Variants in KIF2A observed in about 807,000 individuals in gnomAD.
KIF2A encodes kinesin-like protein KIF2A.
Under a neutral mutation model 100.2 loss-of-function variants are expected in KIF2A, and 22 were observed. The ratio of observed to expected loss-of-function variants is 0.22; its 90% CI spans 0.16 to 0.31. The LOEUF is 0.31. KIF2A is among the 10% of genes least tolerant of loss of function. KIF2A has a pLI of 1.00. For missense variants in KIF2A, 495 were observed against 898.7 expected (o/e 0.55, Z 5.74); for synonymous variants, 268 against 285.9 (o/e 0.94, Z 0.63).
In KIF2A at chr5:62,326,868, A is replaced by G. The variant is rs544210018; in HGVS notation, c.65-20262A>G. Among the ~76,000 whole-genome samples, 19 of 152,166 alleles carry G rather than the reference A, an allele frequency of 1.2e-4. No individual in the cohort carries two copies. The South Asian group carries it at 3.9e-3, about 32-fold the overall frequency. On this transcript the variant is annotated intron_variant, in intron 1 of 20. Transcript: ENST00000407818. The stretch of plus-strand genomic sequence containing the variant: ...AAAGGTTAGCAGGGCATGGTAGCAC[A>G]TGCCTGTGGTCCTACCTACTGAGGA...
At chr5:62,325,746 A>G (rs1169961965) in intron 1 of KIF2A, among the ~76,000 whole-genome samples, 1 of 152,232 alleles carries the variant, frequency 6.6e-6, no homozygotes, top group African/African-American at 2.4e-5. Flanking sequence ...GATTTCTCAA[A>G]TAACTTAAAG....
Position 62,306,432 on chromosome 5 carries a change from T to TC in KIF2A, c.-36dup. On this transcript the variant is annotated 5_prime_UTR_variant, in exon 1 of 21. Transcript: ENST00000407818. ...CCTCCCCGCCTTTTCCGCCCTCCGG[T>TC]CCCCCTCCCTCGGCCCGCTGCTGCT... 1.4e-6 allele frequency: 1 copy of TC among 737,346 alleles called. No individual in the cohort carries two copies. The highest frequency in any genetic ancestry group is 2.0e-6 in the Non-Finnish European group (1 of 504,110). 45.7% of individuals were successfully genotyped at this position (737,346 alleles called of 1,614,324 possible).
At chr5:62,355,838 G>A (rs1159523339) in intron 7 of KIF2A, among the ~76,000 whole-genome samples, 1 of 144,638 alleles carries the variant, frequency 6.9e-6, no homozygotes, top group African/African-American at 2.6e-5. Context: ...TTGCTCCATC[G>A]CCCAGGCTAG....
chr5:62,368,226 G>A (rs1170702056), intron 16 of KIF2A, among the ~76,000 whole-genome samples: 1 of 150,470 alleles, frequency 6.6e-6, no homozygotes, highest in Non-Finnish European at 1.5e-5. Context: ...CTACCCTGAT[G>A]TAACCCATGG....
chr5:62,346,692 A>G (rs555966512), intron 1 of KIF2A, among the ~76,000 whole-genome samples: 24 of 152,310 alleles, frequency 1.6e-4, no homozygotes, highest in South Asian at 2.1e-4. Flanking sequence ...GTGAGCCAAG[A>G]TCGCATCACT....
chr5:62,309,480 T>C (rs1359901992), intron 1 of KIF2A, among the ~76,000 whole-genome samples: 1 of 152,242 alleles, frequency 6.6e-6, no homozygotes, highest in African/African-American at 2.4e-5. Flanking sequence ...AATTGATGTC[T>C]GGGAGAATGC....
intron 1 of KIF2A, among the ~76,000 whole-genome samples, chr5:62,320,909 C>G (rs1425318319): frequency 1.3e-5 from 2 of 152,026 alleles, no homozygotes; most frequent in African/African-American, 2.4e-5. Context: ...TAAAAGAAAC[C>G]CATACCCATT....
intron 1 of KIF2A, among the ~76,000 whole-genome samples, chr5:62,324,447 C>T (rs112522424): frequency 6.6e-6 from 1 of 152,156 alleles, no homozygotes; most frequent in African/African-American, 2.4e-5. Context: ...TATACTACCC[C>T]CATTTCAAGC....
intron 16 of KIF2A, among the ~76,000 whole-genome samples, chr5:62,366,816 G>C (rs796230030): frequency 2.0e-5 from 3 of 149,702 alleles, no homozygotes; most frequent in African/African-American, 7.4e-5. Flanking sequence ...GGGCAACAGA[G>C]TGAGACTCCG....
In KIF2A at chr5:62,306,468, A is replaced by T; in HGVS notation, c.-5A>T. 1 of 1,518,912 alleles carries T rather than the reference A, an allele frequency of 6.6e-7. No homozygotes were observed. The highest frequency in any genetic ancestry group is 8.9e-7 in the Non-Finnish European group (1 of 1,129,628). The allele number at this position is 1,518,912 out of a possible 1,614,324, so 94.1% of individuals were successfully genotyped here. A position where few individuals can be genotyped will look rare whatever the true frequency, so the allele number is the denominator to read the frequency against. On this transcript the variant is annotated 5_prime_UTR_variant, in exon 1 of 21. Coordinates refer to ENST00000407818, the MANE Select transcript of KIF2A (RefSeq NM_001098511.3). The stretch of plus-strand genomic sequence containing the variant: ...CGGCCCGCTGCTGCTGCTCCAGATG[A>T]GGTGATGGCAACGGCCAACTTCGGC...
intron 1 of KIF2A, among the ~76,000 whole-genome samples, chr5:62,333,677 C>T (rs554391139): frequency 9.0e-4 from 137 of 152,326 alleles, no homozygotes; most frequent in African/African-American, 3.1e-3. Flanking sequence ...ACACTGACAG[C>T]TCTCCCTATA....
chr5:62,388,575 CGGGGAATGTGAATAACACGAAATGGTAT>C lies in KIF2A; in HGVS notation c.*3017_*3044del. 6.3e-6 allele frequency: 1 copy of C among 158,982 alleles called. No homozygotes were observed. The highest frequency in any genetic ancestry group is 1.8e-4 in the South Asian group (1 of 5,410). The allele number at this position is 158,982 out of a possible 1,614,324, so 9.8% of individuals were successfully genotyped here. A position where few individuals can be genotyped will look rare whatever the true frequency, so the allele number is the denominator to read the frequency against. On this transcript the variant is annotated 3_prime_UTR_variant, in exon 21 of 21. Coordinates refer to ENST00000407818, the MANE Select transcript of KIF2A (RefSeq NM_001098511.3). ...TACATGTGAATAACAAGAAATGGTACGGGGAATGTGAATAACACGAAATGGTATGGGGAATGTGTGACTAGTGAAGCAT... is the reference window on the plus strand; with the variant it reads ...TACATGTGAATAACAAGAAATGGTACGGGGAATGTGTGACTAGTGAAGCAT...
chr5:62,366,361 G>A, intron 15 of KIF2A, 53 bp from the exon 16 acceptor site: 3 of 1,121,938 alleles, frequency 2.7e-6, no homozygotes, highest in Non-Finnish European at 4.0e-6. Context: ...CAGTATTATT[G>A]TCTTGATCAT....
chr5:62,357,718 G>T lies in KIF2A; in HGVS notation c.682G>T (p.Val228Leu). 6.4e-7 allele frequency: 1 copy of T among 1,562,060 alleles called. No individual in the cohort carries two copies. The highest frequency in any genetic ancestry group is 8.8e-7 in the Non-Finnish European group (1 of 1,135,968). ...TGATGAACATAGGATATGTGTGTGT[G>T]TAAGAAAACGACCACTCAATAAAAA... ...PIDEHRICVC[V>L]RKRPLNKKET... The change falls in exon 8 of 21, where the codon GTA becomes TTA. Residue 228 changes from valine to leucine, a missense_variant. Physicochemically the swap from Val to Leu is conservative, Grantham distance 32. Coordinates refer to ENST00000407818, the MANE Select transcript of KIF2A (RefSeq NM_001098511.3).
intron 1 of KIF2A, among the ~76,000 whole-genome samples, chr5:62,307,799 G>A (rs1745387120): frequency 2.0e-5 from 3 of 152,070 alleles, no homozygotes; most frequent in Non-Finnish European, 4.4e-5. Context: ...TGTATTTTTA[G>A]TAGAGACGGG....
At chr5:62,359,781 A>C (rs1014120614) in intron 9 of KIF2A, among the ~76,000 whole-genome samples, 2 of 152,030 alleles carry the variant, frequency 1.3e-5, no homozygotes, top group Admixed American at 6.6e-5. Flanking sequence ...ATACTTAACT[A>C]TTATGGATTG....
chr5:62,366,537 A>G, intron 16 of KIF2A, 56 bp downstream of exon 16: 4 of 1,044,882 alleles, frequency 3.8e-6, no homozygotes, highest in Non-Finnish European at 5.8e-6. Flanking sequence ...AGTACATAGT[A>G]TAATTTAATA....
chr5:62,364,306 C>G (rs1740958728), intron 14 of KIF2A, among the ~76,000 whole-genome samples: 1 of 152,122 alleles, frequency 6.6e-6, no homozygotes, highest in African/African-American at 2.4e-5. Flanking sequence ...CACCACCACA[C>G]CCAGCTAATT....
intron 16 of KIF2A, among the ~76,000 whole-genome samples, chr5:62,371,295 GTAAA>G (rs1400373494): frequency 6.6e-6 from 1 of 152,104 alleles, no homozygotes; most frequent in East Asian, 1.9e-4. Context: ...AGCATGTGTG[GTAAA>G]TAAACTTTAA....
Sources: allele counts gnomAD v4.1 joint callset (sites outside exome capture counted in the v4.1 genomes callset), GRCh38; gene constraint gnomAD v4.1.1; transcripts MANE v1.5; gene names NCBI Gene and HGNC (gene_info 2026-07-23, HGNC 2026-07-21).